The following FHIP1A variants were observed in gnomAD, a reference collection of about 807,000 sequenced individuals.
The protein encoded by FHIP1A is FHF complex subunit HOOK interacting protein 1A, also known as FHF complex subunit HOOK-interacting protein 1A.
In FHIP1A, 61 loss-of-function variants were observed where a neutral mutation model predicts 88.6. That is an observed-to-expected ratio of 0.69 (90% CI 0.56 to 0.85). FHIP1A has a LOEUF of 0.85. Among genes scored for constraint, FHIP1A ranks in the 40% least tolerant of loss-of-function variants. FHIP1A has a pLI of 0.00. For missense variants in FHIP1A, 1,154 were observed against 1,273.5 expected, an observed-to-expected ratio of 0.91 and a Z score of 1.43; for synonymous variants, 478 against 496.0, an observed-to-expected ratio of 0.96 and a Z score of 0.48.
intron 3 of FHIP1A, among the ~76,000 whole-genome samples, chr4:151,555,201 A>G (rs1423076385): frequency 6.6e-6 from 1 of 152,154 alleles, no homozygotes; most frequent in Non-Finnish European, 1.5e-5. Context: ...GTGTCTCTGC[A>G]TGATGGATGT....
chr4:151,533,832 A>G (rs1309976714), intron 3 of FHIP1A, among the ~76,000 whole-genome samples: 1 of 152,206 alleles, frequency 6.6e-6, no homozygotes, highest in African/African-American at 2.4e-5. Context: ...TGATGAATAT[A>G]TGAGCATTTT....
chr4:151,609,687 G>A (rs1735221218), intron 7 of FHIP1A, among the ~76,000 whole-genome samples: 1 of 152,086 alleles, frequency 6.6e-6, no homozygotes, highest in Non-Finnish European at 1.5e-5. Flanking sequence ...TCCCTGTAAG[G>A]CACGTGGCAT....
rs113551668 is a variant in FHIP1A at position 151,602,788 on chromosome 4, G to A, written c.978+13862G>A. 8.5e-5 allele frequency among the ~76,000 whole-genome samples: 13 copies of A among 152,330 alleles called. 1 individual carries two copies. The highest frequency in any genetic ancestry group is 3.1e-4 in the African/African-American group (13 of 41,570). ...CGCTTAGTGTGGACTGGCATTCTGGGTAGTGTGGTGATGAACAGAAGAAAA... is the reference window on the plus strand; with the variant it reads ...CGCTTAGTGTGGACTGGCATTCTGGATAGTGTGGTGATGAACAGAAGAAAA... On this transcript the variant is annotated intron_variant, in intron 7 of 13. Coordinates refer to ENST00000435205, the MANE Select transcript of FHIP1A (RefSeq NM_001109977.3).
intron 2 of FHIP1A, among the ~76,000 whole-genome samples, chr4:151,461,121 A>G (rs1306694215): frequency 1.3e-5 from 2 of 152,210 alleles, no homozygotes; most frequent in African/African-American, 4.8e-5. Flanking sequence ...AGCTGAAAAT[A>G]ATGATAGCAT....
chr4:151,450,625 C>T (rs1277209163), intron 1 of FHIP1A, among the ~76,000 whole-genome samples: 1 of 152,146 alleles, frequency 6.6e-6, no homozygotes, highest in Non-Finnish European at 1.5e-5. Context: ...TAGGCCAATA[C>T]TCTGATAGGC....
chr4:151,554,925 A>G (rs1437601872), intron 3 of FHIP1A, among the ~76,000 whole-genome samples: 1 of 152,162 alleles, frequency 6.6e-6, no homozygotes, highest in Non-Finnish European at 1.5e-5. Flanking sequence ...TAAGACTTCC[A>G]TTATATAGTT....
intron 13 of FHIP1A, among the ~76,000 whole-genome samples, chr4:151,662,158 A>G (rs1040818928): frequency 5.9e-5 from 9 of 152,216 alleles, no homozygotes; most frequent in East Asian, 5.8e-4. Context: ...TTAATAAGCC[A>G]ATGACAGGAG....
chr4:151,575,268 T>A (rs1733744159), intron 4 of FHIP1A, among the ~76,000 whole-genome samples: 1 of 152,198 alleles, frequency 6.6e-6, no homozygotes, highest in African/African-American at 2.4e-5. Context: ...TTCTTCAGAA[T>A]GTGGAGGCTT....
At chr4:151,657,804 A>G (rs17275605) in intron 13 of FHIP1A, among the ~76,000 whole-genome samples, 16,824 of 152,250 alleles carry the variant, frequency 0.11, 982 homozygotes, top group African/African-American at 0.13. Flanking sequence ...AACTCAGGGC[A>G]ATTGTTCCAC....
intron 2 of FHIP1A, among the ~76,000 whole-genome samples, chr4:151,464,225 T>C (rs1007587780): frequency 1.3e-5 from 2 of 152,186 alleles, no homozygotes; most frequent in Non-Finnish European, 2.9e-5. Context: ...ATTTAGCCAG[T>C]GATTGTTGTA....
intron 3 of FHIP1A, among the ~76,000 whole-genome samples, chr4:151,497,090 A>G (rs1203000782): frequency 1.3e-5 from 2 of 152,316 alleles, no homozygotes; most frequent in African/African-American, 4.8e-5. Context: ...AGGCAGATTC[A>G]TGTAAACATT....
intron 1 of FHIP1A, among the ~76,000 whole-genome samples, chr4:151,416,457 G>A (rs1732893893): frequency 6.6e-6 from 1 of 151,998 alleles, no homozygotes; most frequent in African/African-American, 2.4e-5. Flanking sequence ...GTTTACAAAT[G>A]TAATTTCTAT....
intron 8 of FHIP1A, among the ~76,000 whole-genome samples, chr4:151,631,186 A>C (rs1465131548): frequency 6.6e-6 from 1 of 152,132 alleles, no homozygotes; most frequent in African/African-American, 2.4e-5. Context: ...AAAAATGGAG[A>C]AAATAGGTGA....
intron 2 of FHIP1A, among the ~76,000 whole-genome samples, chr4:151,474,007 C>CT (rs1729614903): frequency 2.6e-5 from 4 of 151,884 alleles, no homozygotes; most frequent in African/African-American, 4.8e-5. Context: ...GCTCTAAAAT[C>CT]TTTTTTTTGG....
intron 8 of FHIP1A, among the ~76,000 whole-genome samples, chr4:151,637,707 C>T (rs191802402): frequency 1.3e-4 from 20 of 152,202 alleles, no homozygotes; most frequent in Admixed American, 1.2e-3. Context: ...ATGGGGGAGT[C>T]AGGAAAAGGC....
intron 11 of FHIP1A, 36 bp downstream of exon 11, chr4:151,650,628 C>T (rs530584560): frequency 2.4e-5 from 36 of 1,516,760 alleles, no homozygotes; most frequent in African/African-American, 2.1e-4. Context: ...TTTCTGCTTT[C>T]GAAAGTACTT....
At chr4:151,616,428 A>ATGTC (rs199741270) in intron 7 of FHIP1A, among the ~76,000 whole-genome samples, 32,378 of 136,880 alleles carry the variant, frequency 0.24, 4,653 homozygotes, top group Non-Finnish European at 0.28. Flanking sequence ...AGAGACAAAT[A>ATGTC]TATCTTTCTT....
intron 1 of FHIP1A, among the ~76,000 whole-genome samples, chr4:151,421,578 A>G (rs1733166728): frequency 6.6e-6 from 1 of 152,196 alleles, no homozygotes; most frequent in East Asian, 1.9e-4. Flanking sequence ...AGTCTTGGCT[A>G]TATATCCCAA....
At chr4:151,533,196 C>T (rs1410147597) in intron 3 of FHIP1A, 2 of 152,144 alleles carry the variant, frequency 1.3e-5, no homozygotes, top group Non-Finnish European at 2.9e-5. Flanking sequence ...GATTTATTTC[C>T]CCAGCCTGGT....
Sources: allele counts gnomAD v4.1 joint callset (sites outside exome capture counted in the v4.1 genomes callset), GRCh38; gene constraint gnomAD v4.1.1; transcripts MANE v1.5; gene names NCBI Gene and HGNC (gene_info 2026-07-23, HGNC 2026-07-21).